POLG: variants seen among roughly 807,000 people sequenced by gnomAD.
POLG encodes the protein DNA polymerase subunit gamma-1.
In POLG, 110 loss-of-function variants were observed where a neutral mutation model predicts 155.4. That is an observed-to-expected ratio of 0.71 (90% CI 0.61 to 0.83). The LOEUF (loss-of-function observed/expected upper bound fraction) is 0.83. Ranked by LOEUF, POLG falls within the 40% of genes least tolerant of loss-of-function variation. The pLI, the probability that POLG is intolerant of heterozygous loss-of-function variation, is 0.00. For missense variants in POLG, 1,685 were observed against 1,627.5 expected (o/e 1.04, Z -0.61); for synonymous variants, 701 against 631.5 (o/e 1.11, Z -1.65).
chr15:89,333,518 G>C lies in POLG; in HGVS notation c.237C>G (p.Leu79=), dbSNP rs774537232. ...AGATTTGCTCGTGCAGCCCTCTCGA[G>C]AGCATCTGGATGTCCAATGGGTTGT... ...LRHNPLDIQM[L]SRGLHEQIFG... The change falls in exon 2 of 23, where the codon CTC becomes CTG. Residue 79 remains leucine, a synonymous_variant. Coordinates refer to ENST00000268124, the MANE Select transcript of POLG (RefSeq NM_002693.3). 1.9e-6 allele frequency: 3 copies of C among 1,612,728 alleles called. No homozygotes were observed. The African/African-American group carries it at 4.0e-5, about 22-fold the overall frequency.
In POLG at chr15:89,325,053, T is replaced by TGA. The variant is rs1195443541; in HGVS notation, c.1949+395_1949+396dup. 1.7e-3 allele frequency among the ~76,000 whole-genome samples: 151 copies of TGA among 87,612 alleles called. 24 individuals carry two copies. The highest frequency in any genetic ancestry group is 8.4e-3 in the African/African-American group (130 of 15,446). 57.5% of individuals were successfully genotyped at this position (87,612 alleles called of 152,430 possible). On this transcript the variant is annotated intron_variant, in intron 10 of 22. Transcript: ENST00000268124. ...TGAACCCAGAGAGTGAGTGAGTGAG[T>TGA]GAGAGAGTGAGTGAGTGAGTGAGTG...
Position 89,318,609 on chromosome 15 carries a change from G to A in POLG, c.3414C>T (p.Arg1138=), listed in dbSNP as rs1305076975. The A allele has an allele frequency of 1.2e-6, 2 of 1,614,204 alleles. No individual in the cohort carries two copies. Among genetic ancestry groups the A allele is most frequent in the Admixed American group, 3.3e-5 (2 of 60,032 alleles). ...AGCGGTCCTCCTCCCGCACCAGGTA[G>A]CGAACCTCGTCATGGATGCTGATGC... ...RFCISIHDEV[R]YLVREEDRYR... The change falls in exon 21 of 23, where the codon CGC becomes CGT. Residue 1138 remains arginine (R), a synonymous_variant. Transcript: ENST00000268124.
At chr15:89,328,072 T>C (rs545985767) in intron 6 of POLG, among the ~76,000 whole-genome samples, 207 of 150,854 alleles carry the variant, frequency 1.4e-3, no homozygotes, top group Non-Finnish European at 2.1e-3. Context: ...TTTCCTCCCT[T>C]CTTTTTTCTT....
chr15:89,326,648 A>G lies in POLG; in HGVS notation c.1676T>C (p.Leu559Pro), dbSNP rs1306841527. 2 of 1,614,098 alleles carry G rather than the reference A, an allele frequency of 1.2e-6. No homozygotes were observed. The highest frequency in any genetic ancestry group is 1.7e-6 in the Non-Finnish European group (2 of 1,180,032). The change falls in exon 9 of 23, where the codon CTG becomes CCG. Residue 559 changes from leucine to proline, a missense_variant. Leu to Pro is a moderately conservative substitution (Grantham distance 98). Transcript: ENST00000268124. ...AGGAAGGTGCTGGGGCCGCTTGGGC[A>G]GGAGCTCTGTGGTCCCCTTCAGCTT... Reference protein sequence around the residue: ...LQKLKGTTELLPKRPQHLPGH... With the variant: ...LQKLKGTTELPPKRPQHLPGH...
At position 89,333,484 on chromosome 15, in the gene POLG, C is replaced by T; in HGVS notation, c.271G>A (p.Gly91Arg). 6.2e-7 allele frequency: 1 copy of T among 1,612,610 alleles called. No homozygotes were observed. Among genetic ancestry groups the T allele is most frequent in the Non-Finnish European group, 8.5e-7 (1 of 1,179,692 alleles). Residue 91 changes from glycine to arginine, a missense_variant, in exon 2 of 23, where the codon GGA becomes AGA. By Grantham distance (125) the Gly-to-Arg change is moderately radical (BLOSUM62 -2). Transcript: ENST00000268124. ...GCGGCCTCGCCAGGCATCTCCCCTC[C>T]TTGCCCGAAGATTTGCTCGTGCAGC... ...RGLHEQIFGQ[G>R]GEMPGEAAVR...
intron 3 of POLG, 78 bp from the exon 4 acceptor site, chr15:89,329,188 G>T: frequency 7.8e-7 from 1 of 1,287,946 alleles, no homozygotes; most frequent in Non-Finnish European, 1.1e-6. Context: ...GCTTGGTGGT[G>T]TGGACCTCCA....
In POLG at chr15:89,322,850, T is replaced by C. The variant is rs1331031308; in HGVS notation, c.2318A>G (p.Lys773Arg). 6.2e-7 allele frequency: 1 copy of C among 1,614,008 alleles called. No individual in the cohort carries two copies. The highest frequency in any genetic ancestry group is 8.5e-7 in the Non-Finnish European group (1 of 1,179,996). The change falls in exon 14 of 23, where the codon AAG becomes AGG. Residue 773 changes from lysine to arginine, a missense_variant. Physicochemically the swap from Lys to Arg is conservative, Grantham distance 26. This residue lies in a region of POLG where 1,210 missense variants were observed against 1,167.1 expected (regional missense o/e 1.04). Coordinates refer to ENST00000268124, the MANE Select transcript of POLG (RefSeq NM_002693.3). ...AGCCTGCAGGGTGCCATCCTCCATC[T>C]TGGGCAGGAAGTCCTTGGCAAAGGG... ...GSPFAKDFLP[K>R]MEDGTLQAGP...
At position 89,333,867 on chromosome 15, in the gene POLG, C is replaced by G; in HGVS notation, c.-113G>C. The G allele has an allele frequency of 7.7e-7, 1 of 1,294,252 alleles. No homozygotes were observed. The highest frequency in any genetic ancestry group is 1.1e-6 in the Non-Finnish European group (1 of 931,362). 80.2% of individuals were successfully genotyped at this position (1,294,252 alleles called of 1,614,324 possible). A position where few individuals can be genotyped will look rare whatever the true frequency, so the allele number is the denominator to read the frequency against. On this transcript the variant is annotated 5_prime_UTR_variant, in exon 2 of 23. Coordinates refer to ENST00000268124, the MANE Select transcript of POLG (RefSeq NM_002693.3). ...GAGAGACACGTCCTGTCTCTGCTCT[C>G]CTGTCAGTGAAATGGGTTTGACCAT...
intron 20 of POLG, 30 bp from the exon 21 acceptor site, chr15:89,318,779 G>C: frequency 1.3e-6 from 2 of 1,596,418 alleles, no homozygotes; most frequent in African/African-American, 2.7e-5. Context: ...AGAGGTGAAA[G>C]GGGCTATGCT....
chr15:89,321,298 T>C lies in POLG; in HGVS notation c.2599-38A>G, dbSNP rs367823239. ...TGAGATACCCAAATGAGACTCTTCC[T>C]ACCCCATTCCTGGAGCCAGAGTTGA... is the stretch of plus-strand genomic sequence containing the variant. On this transcript the variant is annotated intron_variant, in intron 16 of 22. Transcript: ENST00000268124. The C allele has an allele frequency of 1.9e-5, 30 of 1,610,408 alleles. No individual in the cohort carries two copies. The African/African-American group carries it at 3.9e-4, about 21-fold the overall frequency.
Position 89,323,670 on chromosome 15 carries a change from C to A in POLG, c.2157+145G>T, listed in dbSNP as rs558425978. ...CACCCAGGCTTTCTCCTTGCTCCAACACGTGTGGGGCCTCCCAGGGGCAGG... is the reference window on the plus strand; with the variant it reads ...CACCCAGGCTTTCTCCTTGCTCCAAAACGTGTGGGGCCTCCCAGGGGCAGG... On this transcript the variant is annotated intron_variant, in intron 12 of 22. Coordinates refer to ENST00000268124, the MANE Select transcript of POLG (RefSeq NM_002693.3). 1.6e-3 allele frequency: 1,336 copies of A among 832,804 alleles called. 8 individuals carry two copies. Among genetic ancestry groups the A allele is most frequent in the Non-Finnish European group, 1.0e-3 (501 of 482,270 alleles). The allele number at this position is 832,804 out of a possible 1,614,324, so 51.6% of individuals were successfully genotyped here.
chr15:89,316,954 C>T (rs993485868), intron 22 of POLG, 127 bp from the exon 23 acceptor site: 16 of 748,320 alleles, frequency 2.1e-5, no homozygotes, highest in African/African-American at 1.2e-4. Context: ...TTGCCACGAA[C>T]GGTAATGTTA....
At chr15:89,325,255 AGAGT>A (rs778311091) in intron 10 of POLG, among the ~76,000 whole-genome samples, 191 bp downstream of exon 10, 3,356 of 39,184 alleles carry the variant, frequency 0.086, 814 homozygotes, top group African/African-American at 0.13. Context: ...AGTGAGAGAG[AGAGT>A]GAGTGAGTGA....
At position 89,320,769 on chromosome 15, in the gene POLG, C is replaced by T. The variant is rs546883829; in HGVS notation, c.2978G>A (p.Arg993His). The change falls in exon 18 of 23, where the codon CGC becomes CAC. Residue 993 changes from arginine (R) to histidine (H), a missense_variant. Physicochemically the swap from Arg to His is conservative, Grantham distance 29 (BLOSUM62 0). This residue lies in a region of POLG where 470 missense variants were observed against 439.9 expected (regional missense o/e 1.07). Transcript: ENST00000268124. ...TGGATGGGAGAGGGACCCTCACCAGCGGAGGCCCTTGGTGGCAGCGTACAT... is the reference window on the plus strand; with the variant it reads ...TGGATGGGAGAGGGACCCTCACCAGTGGAGGCCCTTGGTGGCAGCGTACAT... ...QQMYAATKGL[R>H]WYRLSDEGEW... is the part of the protein sequence containing the mutation. 22 of 1,612,936 alleles carry T rather than the reference C, an allele frequency of 1.4e-5. 1 individual carries two copies. Among genetic ancestry groups the T allele is most frequent in the Middle Eastern group, 3.7e-4 (2 of 5,424 alleles).
intron 14 of POLG, among the ~76,000 whole-genome samples, chr15:89,322,357 A>T (rs1162531326): frequency 3.9e-5 from 6 of 152,152 alleles, no homozygotes. Flanking sequence ...GCTGATGGCC[A>T]CAACCACCTT....
chr15:89,334,291 G>A (rs2055641091), intron 1 of POLG: 1 of 165,544 alleles, frequency 6.0e-6, no homozygotes, highest in Non-Finnish European at 1.3e-5. Flanking sequence ...CCGGGCTGCT[G>A]TCTGGGGGAC....
At position 89,328,474 on chromosome 15, in the gene POLG, A is replaced by G. The variant is rs1064796726; in HGVS notation, c.1232T>C (p.Leu411Pro). The G allele has an allele frequency of 6.2e-7, 1 of 1,613,640 alleles. No homozygotes were observed. The highest frequency in any genetic ancestry group is 8.5e-7 in the Non-Finnish European group (1 of 1,179,876). Residue 411 changes from leucine (L) to proline (P), a missense_variant, in exon 6 of 23, where the codon CTA (leucine) becomes CCA (proline). By Grantham distance (98) the Leu-to-Pro change is moderately conservative (BLOSUM62 -3). This residue lies in a region of POLG where 1,210 missense variants were observed against 1,167.1 expected (regional missense o/e 1.04). Transcript: ENST00000268124. ...CCCTCACCTCTCCAAGAAGAGCGGT[A>G]GCTGCTGCTGGAAAACCTCATGGGT... is the stretch of plus-strand genomic sequence containing the variant. ...WATHEVFQQQ[L>P]PLFLERCPHP...
rs1567189954 is a variant in POLG, at chr15:89,325,249, AGAGAGAGAGTGAGT to A, written c.1949+187_1949+200del. ...GAGTGAGTGAGAGAGTGAGTGAGTG[AGAGAGAGAGTGAGT>A]GAGTGAGTGAGAGAGAGAGAAAGAG... On this transcript the variant is annotated intron_variant, in intron 10 of 22. Transcript: ENST00000268124. 1.8e-4 allele frequency among the ~76,000 whole-genome samples: 17 copies of A among 96,926 alleles called. 2 individuals are homozygous for A. Among genetic ancestry groups the A allele is most frequent in the South Asian group, 5.9e-4 (2 of 3,382 alleles). 63.6% of individuals were successfully genotyped at this position (96,926 alleles called of 152,430 possible). A position where few individuals can be genotyped will look rare whatever the true frequency, so the allele number is the denominator to read the frequency against.
chr15:89,334,070 C>T lies in POLG; in HGVS notation c.-159-157G>A, dbSNP rs905783895. 3 of 438,980 alleles carry T rather than the reference C, an allele frequency of 6.8e-6. No individual in the cohort carries two copies. In the Admixed American group the frequency reaches 1.2e-4, roughly 17 times the overall value. 27.2% of individuals were successfully genotyped at this position (438,980 alleles called of 1,614,324 possible). A position where few individuals can be genotyped will look rare whatever the true frequency, so the allele number is the denominator to read the frequency against. On this transcript the variant is annotated intron_variant, in intron 1 of 22. Coordinates refer to ENST00000268124, the MANE Select transcript of POLG (RefSeq NM_002693.3). Reference sequence around the variant, plus strand: ...CCTCAAAACTTGGGAAACGTCAATACCCCTCCTGGGGGAACCGGGGTCCAC... The same window carrying T: ...CCTCAAAACTTGGGAAACGTCAATATCCCTCCTGGGGGAACCGGGGTCCAC...
Sources: gnomAD v4.1 joint callset for allele counts (sites outside exome capture counted in the v4.1 genomes callset) on GRCh38, gnomAD v4.1.1 for gene constraint, gnomAD v4.1.1 regional missense constraint, MANE v1.5 for transcripts, NCBI Gene and HGNC (gene_info 2026-07-23, HGNC 2026-07-21) for gene names.